Variants in TRIM38 observed in about 807,000 individuals in gnomAD.
The protein encoded by TRIM38 is E3 ubiquitin-protein ligase TRIM38.
Under a neutral mutation model 35.8 loss-of-function variants are expected in TRIM38, and 35 were observed. The ratio of observed to expected loss-of-function variants is 0.98; its 90% CI spans 0.75 to 1.30. The LOEUF (loss-of-function observed/expected upper bound fraction) is 1.30. Ranked by LOEUF, TRIM38 falls within the 50% of genes most tolerant of loss-of-function variation. The pLI is 0.00. For missense variants in TRIM38, 545 were observed against 556.9 expected, an observed-to-expected ratio of 0.98 and a Z score of 0.21; for synonymous variants, 198 against 204.7, an observed-to-expected ratio of 0.97 and a Z score of 0.28.
rs1760744748 is a variant in TRIM38, at chr6:25,987,444, T to A, written c.*3757T>A. ...GAGAGCTAGCTTTCTGGTCTTTTCT[T>A]ATAAGGGACCAGTCCCATCATGCCC... is the stretch of plus-strand genomic sequence containing the variant. On this transcript the variant is annotated 3_prime_UTR_variant, in exon 8 of 8. Transcript: ENST00000357085. 1 of 152,176 alleles carries A rather than the reference T, an allele frequency of 6.6e-6. No homozygotes were observed. Among genetic ancestry groups the A allele is most frequent in the Non-Finnish European group, 1.5e-5 (1 of 68,036 alleles). The allele number at this position is 152,176 out of a possible 1,614,324, so 9.4% of individuals were successfully genotyped here.
chr6:25,963,827 C>A (rs1759927929), intron 2 of TRIM38, among the ~76,000 whole-genome samples: 1 of 152,128 alleles, frequency 6.6e-6, no homozygotes, highest in Non-Finnish European at 1.5e-5. Context: ...AGGGAAGTCC[C>A]ACTTAGGCAC....
rs1760672111 is a variant in TRIM38 at position 25,984,975 on chromosome 6, A to G, written c.*1288A>G. The G allele has an allele frequency of 6.6e-6, 1 of 152,380 alleles. No individual in the cohort carries two copies. The highest frequency in any genetic ancestry group is 1.9e-4 in the East Asian group (1 of 5,330). The allele number at this position is 152,380 out of a possible 1,614,324, so 9.4% of individuals were successfully genotyped here. A position where few individuals can be genotyped will look rare whatever the true frequency, so the allele number is the denominator to read the frequency against. ...GGGCCTCCATCTCTGCCTAAGGGAG[A>G]TATAAAAGAGTTCAAACTATTGCCC... is the stretch of plus-strand genomic sequence containing the variant. On this transcript the variant is annotated 3_prime_UTR_variant, in exon 8 of 8. Coordinates refer to ENST00000357085, the MANE Select transcript of TRIM38 (RefSeq NM_006355.5).
Position 25,985,314 on chromosome 6 carries a change from G to A in TRIM38, c.*1627G>A, listed in dbSNP as rs1446368279. The stretch of plus-strand genomic sequence containing the variant: ...TTTTTAAAAAAAAAAAAAAAAAAAG[G>A]GAAAGAAAAAGTTGCCTTCCCACAA... On this transcript the variant is annotated 3_prime_UTR_variant, in exon 8 of 8. Coordinates refer to ENST00000357085, the MANE Select transcript of TRIM38 (RefSeq NM_006355.5). 11 of 147,398 alleles carry A rather than the reference G, an allele frequency of 7.5e-5. No homozygotes were observed. Among genetic ancestry groups the A allele is most frequent in the Admixed American group, 7.4e-4 (11 of 14,914 alleles). 9.1% of individuals were successfully genotyped at this position (147,398 alleles called of 1,614,324 possible).
At chr6:25,982,287 G>A (rs1335774426) in intron 7 of TRIM38, among the ~76,000 whole-genome samples, 1 of 152,168 alleles carries the variant, frequency 6.6e-6, no homozygotes, top group Admixed American at 6.5e-5. Flanking sequence ...TTCTACATGT[G>A]TCAAAGAAAA....
rs1230639831 is a variant in TRIM38, at chr6:25,962,875, A to G, written c.-423+20A>G. ...GAATATGTAAGTGTCTGAGCAGTGAAGGTTACGGAAAAGGTCCAGGCTAAG... is the reference window on the plus strand; with the variant it reads ...GAATATGTAAGTGTCTGAGCAGTGAGGGTTACGGAAAAGGTCCAGGCTAAG... On this transcript the variant is annotated intron_variant, in intron 1 of 7. Coordinates refer to ENST00000357085, the MANE Select transcript of TRIM38 (RefSeq NM_006355.5). The G allele has an allele frequency of 6.6e-6, 1 of 152,402 alleles. No individual in the cohort carries two copies. The highest frequency in any genetic ancestry group is 2.4e-5 in the African/African-American group (1 of 41,432). The allele number at this position is 152,402 out of a possible 1,614,324, so 9.4% of individuals were successfully genotyped here.
chr6:25,973,764 A>T (rs2113600142), intron 7 of TRIM38: 2 of 985,474 alleles, frequency 2.0e-6, no homozygotes, highest in Non-Finnish European at 2.4e-6. Flanking sequence ...TATCATTCAC[A>T]TATTTTAGGA....
intron 4 of TRIM38, among the ~76,000 whole-genome samples, chr6:25,970,037 C>G (rs2085065832): frequency 6.6e-6 from 1 of 152,092 alleles, no homozygotes; most frequent in Admixed American, 6.5e-5. Context: ...CCTGCCTCAG[C>G]CTCTTGAGTA....
In TRIM38 at chr6:25,983,721, A is replaced by G. The variant is rs759710401; in HGVS notation, c.*34A>G. 1 of 1,515,748 alleles carries G rather than the reference A, an allele frequency of 6.6e-7. No homozygotes were observed. The highest frequency in any genetic ancestry group is 8.8e-7 in the Non-Finnish European group (1 of 1,136,422). The allele number at this position is 1,515,748 out of a possible 1,614,324, so 93.9% of individuals were successfully genotyped here. A position where few individuals can be genotyped will look rare whatever the true frequency, so the allele number is the denominator to read the frequency against. ...GCAGAAGCTCCTTGGTTTAACCAGC[A>G]CAGAGAAAATAATATAAATCCCATA... is the stretch of plus-strand genomic sequence containing the variant. On this transcript the variant is annotated 3_prime_UTR_variant, in exon 8 of 8. Coordinates refer to ENST00000357085, the MANE Select transcript of TRIM38 (RefSeq NM_006355.5).
chr6:25,968,251 C>G (rs1042972313), intron 3 of TRIM38, among the ~76,000 whole-genome samples: 1 of 152,158 alleles, frequency 6.6e-6, no homozygotes, highest in African/African-American at 2.4e-5. Context: ...TCCTTAAACT[C>G]CATGGAGCAG....
In TRIM38 at chr6:25,964,866, C is replaced by T. The variant is rs562202603; in HGVS notation, c.-188-1469C>T. On this transcript the variant is annotated intron_variant, in intron 2 of 7. Transcript: ENST00000357085. ...TCGCTCTTTCACCCAGGCTGGAGTG[C>T]AGTGGTGTAATCTGGGCTCACTGCA... is the stretch of plus-strand genomic sequence containing the variant. Among the ~76,000 whole-genome samples the T allele has an allele frequency of 6.0e-5, 9 of 150,532 alleles. No individual in the cohort carries two copies. The South Asian group carries it at 1.9e-3, about 32-fold the overall frequency.
chr6:25,974,896 T>C, intron 7 of TRIM38: 1 of 985,390 alleles, frequency 1.0e-6, no homozygotes, highest in Non-Finnish European at 1.2e-6. Context: ...TATTTCATCC[T>C]ATACAGATGA....
At chr6:25,974,905 G>A in intron 7 of TRIM38, 1 of 985,390 alleles carries the variant, frequency 1.0e-6, no homozygotes, top group East Asian at 1.1e-4. Context: ...CTATACAGAT[G>A]ACAGGAAGGA....
Position 25,968,539 on chromosome 6 carries a change from T to C in TRIM38, c.412-786T>C, listed in dbSNP as rs373266036. Among the ~76,000 whole-genome samples the C allele has an allele frequency of 2.0e-5, 3 of 152,218 alleles. No individual in the cohort carries two copies. The East Asian group carries it at 5.8e-4, about 29-fold the overall frequency. On this transcript the variant is annotated intron_variant, in intron 3 of 7. Coordinates refer to ENST00000357085, the MANE Select transcript of TRIM38 (RefSeq NM_006355.5). ...AGCACTTGGCATATAGTAAGGACAA[T>C]GTCATCTTTTGCTAAAACAGTTACA...
At position 25,987,496 on chromosome 6, in the gene TRIM38, C is replaced by T. The variant is rs1399676231; in HGVS notation, c.*3809C>T. ...TCATGAAGACTCGATCTGCTAGGAT[C>T]TCAACTAAACCTAACTATCACCCAA... On this transcript the variant is annotated 3_prime_UTR_variant, in exon 8 of 8. Transcript: ENST00000357085. 1 of 152,170 alleles carries T rather than the reference C, an allele frequency of 6.6e-6. No homozygotes were observed. The highest frequency in any genetic ancestry group is 1.5e-5 in the Non-Finnish European group (1 of 68,050). The allele number at this position is 152,170 out of a possible 1,614,324, so 9.4% of individuals were successfully genotyped here. A position where few individuals can be genotyped will look rare whatever the true frequency, so the allele number is the denominator to read the frequency against.
chr6:25,967,448 T>C (rs183233451), intron 3 of TRIM38, among the ~76,000 whole-genome samples: 1 of 151,428 alleles, frequency 6.6e-6, no homozygotes, highest in East Asian at 1.9e-4. Context: ...CACGTAAAAA[T>C]TGAACACCTA....
At chr6:25,968,974 A>G (rs1363622638) in intron 3 of TRIM38, among the ~76,000 whole-genome samples, 5 of 152,216 alleles carry the variant, frequency 3.3e-5, no homozygotes. Flanking sequence ...TTTTCCTGGC[A>G]GGACTCTAGT....
At chr6:25,975,709 A>G in intron 7 of TRIM38, 1 of 972,986 alleles carries the variant, frequency 1.0e-6, no homozygotes, top group Non-Finnish European at 1.2e-6. Flanking sequence ...CTAAGTTTGT[A>G]CAAACGTAAC....
chr6:25,966,872 G>C lies in TRIM38; in HGVS notation c.350G>C (p.Arg117Pro). 1 of 1,614,130 alleles carries C rather than the reference G, an allele frequency of 6.2e-7. No individual in the cohort carries two copies. The highest frequency in any genetic ancestry group is 2.2e-5 in the East Asian group (1 of 44,874). The part of the protein sequence containing the change: ...EGQLICWRCE[R>P]APQHKGHTTA... ...CAGCTCATCTGCTGGCGCTGTGAGC[G>C]GGCACCACAGCACAAAGGGCACACC... is the stretch of plus-strand genomic sequence containing the variant. The change falls in exon 3 of 8, where the codon CGG becomes CCG. Residue 117 changes from arginine to proline, a missense_variant. Physicochemically the swap from Arg to Pro is moderately radical, Grantham distance 103 (BLOSUM62 -2). Coordinates refer to ENST00000357085, the MANE Select transcript of TRIM38 (RefSeq NM_006355.5).
At chr6:25,967,023 A>C (rs916779799) in intron 3 of TRIM38, 90 bp downstream of exon 3, 6 of 1,346,850 alleles carry the variant, frequency 4.5e-6, no homozygotes, top group Admixed American at 2.4e-5. Flanking sequence ...ACCTAACATT[A>C]TGACTTGGAA....
Sources: gnomAD v4.1 joint callset for allele counts (sites outside exome capture counted in the v4.1 genomes callset) on GRCh38, gnomAD v4.1.1 for gene constraint, MANE v1.5 for transcripts, NCBI Gene and HGNC (gene_info 2026-07-23, HGNC 2026-07-21) for gene names.